The following HOPX variants were observed in gnomAD, a reference collection of about 807,000 sequenced individuals.
HOPX encodes homeodomain-only protein.
A neutral mutation model predicts 11.8 loss-of-function variants in HOPX; 5 were observed. The observed-to-expected ratio is 0.43, with a 90% CI of 0.22 to 0.89. HOPX has a LOEUF of 0.89. Among genes scored for constraint, HOPX ranks in the 40% least tolerant of loss-of-function variants. The probability of loss-of-function intolerance (pLI) is 0.28; values close to 1 mark genes in which losing one functional copy is unlikely to be tolerated. For synonymous variants in HOPX, 49 were observed against 49.7 expected (o/e 0.99, Z 0.06); for missense variants, 119 against 120.0 (o/e 0.99, Z 0.04).
intron 1 of HOPX, among the ~76,000 whole-genome samples, chr4:56,665,988 C>G (rs1250294386): frequency 6.6e-6 from 1 of 152,032 alleles, no homozygotes; most frequent in Non-Finnish European, 1.5e-5. Flanking sequence ...CAGGTGGGCT[C>G]GAGGAACAGA....
At chr4:56,667,471 T>C (rs949343984) in intron 1 of HOPX, among the ~76,000 whole-genome samples, 3 of 152,144 alleles carry the variant, frequency 2.0e-5, no homozygotes, top group Non-Finnish European at 4.4e-5. Context: ...CAGGACTGAC[T>C]CTGTTGGAGA....
At chr4:56,655,290 G>C (rs1212632228) in intron 3 of HOPX, among the ~76,000 whole-genome samples, 2 of 152,180 alleles carry the variant, frequency 1.3e-5, no homozygotes, top group African/African-American at 4.8e-5. Context: ...GGACGCTGCA[G>C]TGTGATGTGG....
chr4:56,673,241 A>G (rs1275770287), intron 1 of HOPX, among the ~76,000 whole-genome samples: 1 of 152,190 alleles, frequency 6.6e-6, no homozygotes, highest in African/African-American at 2.4e-5. Context: ...AACAACATAG[A>G]TACATCTTAA....
intron 1 of HOPX, among the ~76,000 whole-genome samples, chr4:56,669,286 AC>A (rs142877016): frequency 0.2 from 30,245 of 152,114 alleles, 3,707 homozygotes; most frequent in African/African-American, 0.36. Flanking sequence ...CAACGGAGGA[AC>A]CCATGAAACA....
intron 1 of HOPX, chr4:56,659,576 T>A (rs963791217): frequency 5.3e-5 from 8 of 152,198 alleles, no homozygotes; most frequent in African/African-American, 1.4e-4. Context: ...GAATTGTTCT[T>A]TTAAGTATAA....
At chr4:56,658,231 C>CT (rs1389565250) in intron 1 of HOPX, among the ~76,000 whole-genome samples, 1 of 152,190 alleles carries the variant, frequency 6.6e-6, no homozygotes, top group Non-Finnish European at 1.5e-5. Context: ...ACTTTCCCCT[C>CT]TTTTTTGGTT....
Position 56,657,871 on chromosome 4 carries a change from C to T in HOPX, c.-55G>A. 2 of 1,551,398 alleles carry T rather than the reference C, an allele frequency of 1.3e-6. No individual in the cohort carries two copies. The highest frequency in any genetic ancestry group is 4.9e-5 in the East Asian group (2 of 40,918). ...GCTGGTGACCTGTGCTCCGCTAGAC[C>T]CTTCTCAGTGGGGCAGTCTGTCATT... On this transcript the variant is annotated 5_prime_UTR_variant, in exon 2 of 4. Transcript: ENST00000420433.
chr4:56,648,669 A>G lies in HOPX; in HGVS notation c.*51T>C. 7.4e-7 allele frequency: 1 copy of G among 1,353,926 alleles called. No homozygotes were observed. Among genetic ancestry groups the G allele is most frequent in the Non-Finnish European group, 1.0e-6 (1 of 956,276 alleles). 83.9% of individuals were successfully genotyped at this position (1,353,926 alleles called of 1,614,324 possible). ...ACAACAGCTTGGTTAAGCGGAGGAG[A>G]GAAACAGAGATGGCCTTCATGGAGT... On this transcript the variant is annotated 3_prime_UTR_variant, in exon 4 of 4. Coordinates refer to ENST00000420433, the MANE Select transcript of HOPX (RefSeq NM_032495.6).
At chr4:56,678,944 A>G (rs1027380214) in intron 1 of HOPX, 2 of 152,138 alleles carry the variant, frequency 1.3e-5, no homozygotes, top group Admixed American at 1.3e-4. Flanking sequence ...GATTTTTAGA[A>G]ATGCTTTTAC....
At chr4:56,655,594 TGACC>T (rs35609345) in intron 3 of HOPX, among the ~76,000 whole-genome samples, 74,397 of 151,600 alleles carry the variant, frequency 0.49, 19,086 homozygotes, top group African/African-American at 0.64. Context: ...AAAGGACTGG[TGACC>T]GAGGGGTTTC....
chr4:56,668,142 C>T (rs978746724), intron 1 of HOPX, among the ~76,000 whole-genome samples: 9 of 152,160 alleles, frequency 5.9e-5, no homozygotes, highest in Non-Finnish European at 1.3e-4. Context: ...CCAGACTGGT[C>T]TCGAACTCCT....
chr4:56,665,934 A>G (rs545206774), intron 1 of HOPX, among the ~76,000 whole-genome samples: 77 of 152,298 alleles, frequency 5.1e-4, no homozygotes, highest in Non-Finnish European at 2.9e-5. Context: ...TTCTGCAGAC[A>G]GCAGATCCTT....
In HOPX at chr4:56,656,018, G is replaced by A. The variant is rs756619711; in HGVS notation, c.43-6C>T. ...GCCGACATGGTCCCTGCGCGCTGCG[G>A]GGCAGGGAGAAGCGGCGGCGGTGAG... On this transcript the variant is annotated splice_polypyrimidine_tract_variant and splice_region_variant and intron_variant, in intron 2 of 3. Coordinates refer to ENST00000420433, the MANE Select transcript of HOPX (RefSeq NM_032495.6). The A allele has an allele frequency of 4.5e-6, 7 of 1,570,926 alleles. No homozygotes were observed. Among genetic ancestry groups the A allele is most frequent in the South Asian group, 1.2e-5 (1 of 86,374 alleles).
At chr4:56,659,418 C>T (rs1717971064) in intron 1 of HOPX, 2 of 152,126 alleles carry the variant, frequency 1.3e-5, no homozygotes, top group African/African-American at 4.8e-5. Flanking sequence ...TCTTCCCCTT[C>T]GTCACTTATT....
intron 1 of HOPX, among the ~76,000 whole-genome samples, chr4:56,671,058 A>G (rs1295780396): frequency 2.0e-5 from 3 of 152,136 alleles, no homozygotes; most frequent in African/African-American, 7.3e-5. Flanking sequence ...TGCTCTGTAG[A>G]CATCCAATCA....
intron 3 of HOPX, among the ~76,000 whole-genome samples, chr4:56,655,421 C>G (rs1717591094): frequency 6.6e-6 from 1 of 152,212 alleles, no homozygotes; most frequent in African/African-American, 2.4e-5. Context: ...GGGGCGCCTT[C>G]CAGCTCTGAC....
chr4:56,671,661 T>G (rs934171666), intron 1 of HOPX, among the ~76,000 whole-genome samples: 7 of 152,000 alleles, frequency 4.6e-5, no homozygotes, highest in Admixed American at 2.6e-4. Flanking sequence ...ACAGAGGGTG[T>G]GCAGCTTTAG....
At chr4:56,656,564 G>A (rs917673936) in intron 2 of HOPX, 6 of 739,214 alleles carry the variant, frequency 8.1e-6, no homozygotes, top group Non-Finnish European at 9.9e-6. Context: ...AGGCAGGGCT[G>A]CACACCCCAC....
chr4:56,652,242 CA>C (rs1717260415), intron 3 of HOPX, among the ~76,000 whole-genome samples: 1 of 152,182 alleles, frequency 6.6e-6, no homozygotes, highest in African/African-American at 2.4e-5. Context: ...TCTCCCAAGA[CA>C]GAGAATGTTT....
Sources: allele counts gnomAD v4.1 joint callset (sites outside exome capture counted in the v4.1 genomes callset), GRCh38; gene constraint gnomAD v4.1.1; transcripts MANE v1.5; gene names NCBI Gene and HGNC (gene_info 2026-07-23, HGNC 2026-07-21).